Variants in CSMD1 observed in about 807,000 individuals in gnomAD.
CSMD1 encodes the protein CUB and Sushi multiple domains 1.
A neutral mutation model predicts 417.5 loss-of-function variants in CSMD1; 213 were observed. That is an observed-to-expected ratio of 0.51 (90% confidence interval 0.46 to 0.57). The LOEUF is 0.57. Ranked by LOEUF, CSMD1 falls within the 20% of genes least tolerant of loss-of-function variation. The probability of loss-of-function intolerance (pLI) is 0.00; values close to 1 mark genes in which losing one functional copy is unlikely to be tolerated. For synonymous variants in CSMD1, 2,862 were observed against 1,736.8 expected, an observed-to-expected ratio of 1.65 and a Z score of -16.11; for missense variants, 6,923 against 4,529.7, an observed-to-expected ratio of 1.53 and a Z score of -15.17.
At position 4,923,087 on chromosome 8, in the gene CSMD1, A is replaced by G. The variant is rs187414162; in HGVS notation, c.85+71245T>C. Among the ~76,000 whole-genome samples, 736 of 152,336 alleles carry G rather than the reference A, an allele frequency of 4.8e-3. 3 individuals carry two copies. Among genetic ancestry groups the G allele is most frequent in the Non-Finnish European group, 7.7e-3 (524 of 68,038 alleles). On this transcript the variant is annotated intron_variant, in intron 1 of 69. Coordinates refer to ENST00000635120, the MANE Select transcript of CSMD1 (RefSeq NM_033225.6). Reference sequence around the variant, plus strand: ...CTTAGGGGAACAATCTTAAAAAATGATTTGAAATAAAGGGATATCAATTAT... The same window carrying G: ...CTTAGGGGAACAATCTTAAAAAATGGTTTGAAATAAAGGGATATCAATTAT...
chr8:3,855,490 A>G lies in CSMD1; in HGVS notation c.819-101448T>C, dbSNP rs141810406. Among the ~76,000 whole-genome samples, 558 of 152,324 alleles carry G rather than the reference A, an allele frequency of 3.7e-3. 3 individuals are homozygous for G. Among genetic ancestry groups the G allele is most frequent in the African/African-American group, 7.3e-3 (304 of 41,580 alleles). On this transcript the variant is annotated intron_variant, in intron 5 of 69. Coordinates refer to ENST00000635120, the MANE Select transcript of CSMD1 (RefSeq NM_033225.6). ...GAAATGTGCTAGTTATGAAGATATAAGCTCATATGTCAAAAAACTTGTTTT... is the reference window on the plus strand; with the variant it reads ...GAAATGTGCTAGTTATGAAGATATAGGCTCATATGTCAAAAAACTTGTTTT...
chr8:3,687,835 T>C (rs1800022354), intron 7 of CSMD1, among the ~76,000 whole-genome samples: 1 of 152,196 alleles, frequency 6.6e-6, no homozygotes, highest in Admixed American at 6.5e-5. Flanking sequence ...CACTGCTCTC[T>C]CAGTCCACTC....
At chr8:4,410,362 C>G (rs1280261255) in intron 3 of CSMD1, among the ~76,000 whole-genome samples, 1 of 152,124 alleles carries the variant, frequency 6.6e-6, no homozygotes, top group Non-Finnish European at 1.5e-5. Flanking sequence ...TGCATGGAAC[C>G]CACACCTCAG....
chr8:3,136,575 G>A lies in CSMD1; in HGVS notation c.6241+5890C>T, dbSNP rs139694045. Among the ~76,000 whole-genome samples the A allele has an allele frequency of 1.9e-3, 288 of 152,018 alleles. 1 individual carries two copies. The highest frequency in any genetic ancestry group is 6.3e-3 in the African/African-American group (261 of 41,472). ...CCACCGTGACCGGCTCATCCCTTTC[G>A]GATTTCTGGTAGCGACGGAAGAGAT... On this transcript the variant is annotated intron_variant, in intron 41 of 69. Coordinates refer to ENST00000635120, the MANE Select transcript of CSMD1 (RefSeq NM_033225.6).
At chr8:3,381,683 T>C (rs918579207) in intron 18 of CSMD1, among the ~76,000 whole-genome samples, 2 of 151,956 alleles carry the variant, frequency 1.3e-5, no homozygotes, top group Admixed American at 6.5e-5. Flanking sequence ...ATGTAGTTTA[T>C]TTATTTTTCA....
chr8:3,977,647 G>A (rs1270064876), intron 5 of CSMD1, among the ~76,000 whole-genome samples: 1 of 152,132 alleles, frequency 6.6e-6, no homozygotes, highest in Non-Finnish European at 1.5e-5. Flanking sequence ...AGAGAAATCT[G>A]GAACCTTCTC....
chr8:4,670,590 T>C (rs1010457094), intron 1 of CSMD1, among the ~76,000 whole-genome samples: 20 of 152,218 alleles, frequency 1.3e-4, no homozygotes, highest in African/African-American at 1.4e-4. Flanking sequence ...ATCTTTGCTA[T>C]AGGCAGTTCT....
intron 2 of CSMD1, among the ~76,000 whole-genome samples, chr8:4,516,624 G>C (rs1207664676): frequency 6.6e-6 from 1 of 152,116 alleles, no homozygotes; most frequent in Non-Finnish European, 1.5e-5. Flanking sequence ...AGCATCGCCT[G>C]ATAAAACCTG....
intron 3 of CSMD1, among the ~76,000 whole-genome samples, chr8:4,210,174 AG>A (rs1800222501): frequency 6.6e-6 from 1 of 152,214 alleles, no homozygotes; most frequent in African/African-American, 2.4e-5. Context: ...ATGCTGCCTC[AG>A]CCCATCTGTG....
intron 9 of CSMD1, among the ~76,000 whole-genome samples, chr8:3,584,305 C>T (rs554786351): frequency 8.5e-5 from 13 of 152,156 alleles, no homozygotes; most frequent in Non-Finnish European, 1.5e-4. Context: ...TTACTAGTAA[C>T]GTTCCAGAAA....
chr8:4,685,442 G>A (rs1172067916), intron 1 of CSMD1, among the ~76,000 whole-genome samples: 1 of 152,124 alleles, frequency 6.6e-6, no homozygotes, highest in East Asian at 1.9e-4. Context: ...GAGTGTGGTG[G>A]CACGTGCCTG....
intron 3 of CSMD1, among the ~76,000 whole-genome samples, chr8:4,405,392 C>G (rs539108038): frequency 6.6e-6 from 1 of 151,996 alleles, no homozygotes; most frequent in African/African-American, 2.4e-5. Context: ...TACTTGTTAC[C>G]TGCGTGAACA....
intron 3 of CSMD1, among the ~76,000 whole-genome samples, chr8:4,246,938 G>C (rs989426644): frequency 6.6e-6 from 1 of 152,160 alleles, no homozygotes; most frequent in African/African-American, 2.4e-5. Context: ...AGAGAATGTA[G>C]ATAATATTGA....
intron 4 of CSMD1, among the ~76,000 whole-genome samples, chr8:4,002,083 T>G (rs1322814604): frequency 6.6e-6 from 1 of 152,160 alleles, no homozygotes; most frequent in Non-Finnish European, 1.5e-5. Flanking sequence ...GTCTGATTGA[T>G]TAATTGAATA....
chr8:4,695,289 C>T (rs190718801), intron 1 of CSMD1, among the ~76,000 whole-genome samples: 47 of 152,300 alleles, frequency 3.1e-4, no homozygotes, highest in Admixed American at 1.4e-3. Flanking sequence ...CCCTGTACAG[C>T]CTTTATAGTC....
intron 3 of CSMD1, among the ~76,000 whole-genome samples, chr8:4,202,501 A>G (rs1799717935): frequency 6.6e-6 from 1 of 152,190 alleles, no homozygotes; most frequent in Non-Finnish European, 1.5e-5. Context: ...TCAATAACAA[A>G]TTTGCACTTT....
At position 3,412,508 on chromosome 8, in the gene CSMD1, G is replaced by C. The variant is rs1433198761; in HGVS notation, c.1562-2903C>G. Among the ~76,000 whole-genome samples, 4 of 152,130 alleles carry C rather than the reference G, an allele frequency of 2.6e-5. No individual in the cohort carries two copies. In the East Asian group the frequency reaches 7.7e-4, roughly 29 times the overall value. On this transcript the variant is annotated intron_variant, in intron 12 of 69. Coordinates refer to ENST00000635120, the MANE Select transcript of CSMD1 (RefSeq NM_033225.6). Reference sequence around the variant, plus strand: ...CTTCTAAGTGTCTGGGAATATCAAAGAAGTGAAGTTTGATACATTATCACA... The same window carrying C: ...CTTCTAAGTGTCTGGGAATATCAAACAAGTGAAGTTTGATACATTATCACA...
intron 5 of CSMD1, among the ~76,000 whole-genome samples, chr8:3,910,302 T>C (rs1584949806): frequency 1.3e-5 from 2 of 152,076 alleles, no homozygotes; most frequent in Non-Finnish European, 2.9e-5. Context: ...GAAAATATGA[T>C]GGAATTCAGA....
At position 4,994,367 on chromosome 8, in the gene CSMD1, A is replaced by G. The variant is rs781432024; in HGVS notation, c.50T>C (p.Leu17Pro). 6.2e-6 allele frequency: 10 copies of G among 1,612,022 alleles called. No homozygotes were observed. The highest frequency in any genetic ancestry group is 8.5e-6 in the Non-Finnish European group (10 of 1,179,826). The change falls in exon 1 of 70, where the codon CTG becomes CCG. Residue 17 changes from leucine (L) to proline (P), a missense_variant. Physicochemically the swap from Leu to Pro is moderately conservative, Grantham distance 98. Transcript: ENST00000635120. ...FQSLLLLLGL[L>P]VLCARLLTAA... ...AGTGAGGAGCCTCGCGCACAGCACC[A>G]GCAGCCCGAGAAGCAGGAGCAGCGA...
Sources: allele counts gnomAD v4.1 joint callset (sites outside exome capture counted in the v4.1 genomes callset), GRCh38; gene constraint gnomAD v4.1.1; transcripts MANE v1.5; gene names NCBI Gene and HGNC (gene_info 2026-07-23, HGNC 2026-07-21).